Variants in GUCY2F observed in about 807,000 individuals in gnomAD.
GUCY2F encodes the protein retinal guanylyl cyclase 2.
A neutral mutation model predicts 73.1 loss-of-function variants in GUCY2F; 61 were observed. The ratio of observed to expected loss-of-function variants is 0.83; its 90% CI spans 0.68 to 1.03. GUCY2F has a LOEUF of 1.03. GUCY2F is among the 50% of genes least tolerant of loss of function. GUCY2F has a pLI of 0.00. For missense variants in GUCY2F, 912 were observed against 854.3 expected, an observed-to-expected ratio of 1.07 and a Z score of -0.84; for synonymous variants, 331 against 307.8, an observed-to-expected ratio of 1.08 and a Z score of -0.79.
Position 109,392,086 on chromosome X carries a change from A to G in GUCY2F, c.2606T>C (p.Leu869Pro). The G allele has an allele frequency of 1.7e-6, 2 of 1,202,979 alleles. No homozygotes were observed. The highest frequency in any genetic ancestry group is 2.2e-6 in the Non-Finnish European group (2 of 890,457). ...AGGTTCAACTGTGCAGCCCTTTTTG[A>G]GAGATTCAGCAACTGATCTGAAAAG... is the stretch of plus-strand genomic sequence containing the variant. ...QMLPPSVAESLKKGCTVEPEG... is the reference protein window; with the variant it reads ...QMLPPSVAESPKKGCTVEPEG... Residue 869 changes from leucine (L) to proline (P), a missense_variant, in exon 14 of 20, where the codon CTC becomes CCC. Leu to Pro is a moderately conservative substitution (Grantham distance 98). Coordinates refer to ENST00000218006, the MANE Select transcript of GUCY2F (RefSeq NM_001522.3).
At chrX:109,412,935 G>T (rs942156197) in intron 8 of GUCY2F, among the ~76,000 whole-genome samples, 4 of 112,059 alleles carry the variant, frequency 3.6e-5, no homozygotes, top group Non-Finnish European at 5.6e-5. Flanking sequence ...TTATAGCCTG[G>T]GTCCCTGAGT....
intron 8 of GUCY2F, among the ~76,000 whole-genome samples, chrX:109,418,134 T>C (rs1260034823): frequency 8.9e-6 from 1 of 111,759 alleles, no homozygotes; most frequent in Non-Finnish European, 1.9e-5. Context: ...AAGCCTGTTG[T>C]TAAACATTTA....
chrX:109,373,755 T>G (rs1017329864), intron 19 of GUCY2F, among the ~76,000 whole-genome samples: 42 of 112,775 alleles, frequency 3.7e-4, no homozygotes, highest in African/African-American at 1.4e-3. Context: ...AGCACATCTA[T>G]GATTAAAAGA....
At chrX:109,407,801 CAG>C (rs1471742448) in intron 9 of GUCY2F, among the ~76,000 whole-genome samples, 1 of 113,338 alleles carries the variant, frequency 8.8e-6, no homozygotes, top group Admixed American at 9.2e-5. Context: ...TGCAGGTGCA[CAG>C]AAGTCAGGAA....
At chrX:109,375,338 G>A (rs1707117249) in intron 19 of GUCY2F, among the ~76,000 whole-genome samples, 1 of 111,472 alleles carries the variant, frequency 9.0e-6, no homozygotes, top group Admixed American at 9.5e-5. Flanking sequence ...AGGGGAGGAA[G>A]GATGGGAGAA....
chrX:109,441,204 C>A, intron 7 of GUCY2F, 147 bp downstream of exon 7: 1 of 351,672 alleles, frequency 2.8e-6, no homozygotes. Flanking sequence ...GAATGTCAAC[C>A]AAACGAGTCC....
At chrX:109,480,175 AGG>A (rs1403627927) in intron 1 of GUCY2F, among the ~76,000 whole-genome samples, 2 of 111,841 alleles carry the variant, frequency 1.8e-5, no homozygotes, top group Admixed American at 9.5e-5. Flanking sequence ...AAAATTATCA[AGG>A]GGTAAAGTTT....
rs1257907770 is a variant in GUCY2F, at chrX:109,404,454, CA to C, written c.1998del (p.Phe666LeufsTer6). ...KGMKYLHHRE[F>X]VHGRLKSRNC... ...TTTCGAGACTTTAGCCTCCCATGAA[CA>C]AACTCTCTGTGGTGTAAGTACTTCA... is the stretch of plus-strand genomic sequence containing the variant. On this transcript the variant is annotated frameshift_variant, in exon 10 of 20. Coordinates refer to ENST00000218006, the MANE Select transcript of GUCY2F (RefSeq NM_001522.3). LOFTEE classifies it high-confidence loss of function. The C allele has an allele frequency of 3.3e-6, 4 of 1,196,217 alleles. No individual in the cohort carries two copies. In the Admixed American group the frequency reaches 8.7e-5, roughly 26 times the overall value.
intron 11 of GUCY2F, 94 bp from the exon 12 acceptor site, chrX:109,395,583 G>C (rs775887408): frequency 2.2e-4 from 155 of 706,033 alleles, no homozygotes; most frequent in Non-Finnish European, 3.0e-4. Context: ...GAAGGGGGTA[G>C]GTTAGGAGAT....
In GUCY2F at chrX:109,388,519, G is replaced by A; in HGVS notation, c.2926C>T (p.Pro976Ser). The change falls in exon 15 of 20, where the codon CCG becomes TCG. Residue 976 changes from proline (P) to serine (S), a missense_variant. Physicochemically the swap from Pro to Ser is moderately conservative, Grantham distance 74 (BLOSUM62 -1). Coordinates refer to ENST00000218006, the MANE Select transcript of GUCY2F (RefSeq NM_001522.3). ...TFKMRHMPEV[P>S]VRIRIGLHSG... ...TGAAGGCCAATTCGAATTCGGACCG[G>A]CACTTCTGGCATGTGCCGCATCTTG... The A allele has an allele frequency of 1.7e-6, 2 of 1,206,565 alleles. No individual in the cohort carries two copies. Among genetic ancestry groups the A allele is most frequent in the South Asian group, 3.5e-5 (2 of 56,672 alleles).
At chrX:109,465,946 G>A (rs756184088) in intron 2 of GUCY2F, among the ~76,000 whole-genome samples, 1 of 111,759 alleles carries the variant, frequency 8.9e-6, no homozygotes, top group East Asian at 2.8e-4. Flanking sequence ...TTAGAAGAGA[G>A]AATAGTAAGA....
chrX:109,445,136 T>G (rs1931970912), intron 6 of GUCY2F, among the ~76,000 whole-genome samples: 1 of 111,806 alleles, frequency 8.9e-6, no homozygotes, highest in Middle Eastern at 4.2e-3. Flanking sequence ...GGACTACATG[T>G]CATCTTTCAC....
At chrX:109,434,895 A>T (rs1273111689) in intron 7 of GUCY2F, among the ~76,000 whole-genome samples, 1 of 110,746 alleles carries the variant, frequency 9.0e-6, no homozygotes, top group Non-Finnish European at 1.9e-5. Context: ...TCCTTTCCCC[A>T]TTGCTTGTTT....
intron 8 of GUCY2F, among the ~76,000 whole-genome samples, chrX:109,429,139 C>T (rs1382857986): frequency 8.9e-6 from 1 of 112,181 alleles, no homozygotes; most frequent in Non-Finnish European, 1.9e-5. Flanking sequence ...TGGCTGGGCG[C>T]GGTGGCTCAC....
At chrX:109,449,336 G>A (rs1178049404) in intron 5 of GUCY2F, among the ~76,000 whole-genome samples, 1 of 112,231 alleles carries the variant, frequency 8.9e-6, no homozygotes, top group Non-Finnish European at 1.9e-5. Context: ...TATCACTGTG[G>A]GAGCTGCTGC....
At chrX:109,374,926 A>G (rs1466964117) in intron 19 of GUCY2F, among the ~76,000 whole-genome samples, 1 of 112,055 alleles carries the variant, frequency 8.9e-6, no homozygotes, top group African/African-American at 3.2e-5. Context: ...TAGGACAGAA[A>G]CAGTCACAAA....
At chrX:109,445,550 C>T (rs1931981923) in intron 6 of GUCY2F, among the ~76,000 whole-genome samples, 1 of 111,668 alleles carries the variant, frequency 9.0e-6, no homozygotes, top group African/African-American at 3.3e-5. Flanking sequence ...AACAGGTATC[C>T]CAGGGATGAA....
chrX:109,473,992 T>A (rs1384028424), intron 2 of GUCY2F, among the ~76,000 whole-genome samples: 1 of 112,286 alleles, frequency 8.9e-6, no homozygotes, highest in Non-Finnish European at 1.9e-5. Flanking sequence ...CCATACTGAT[T>A]GCTAAACATC....
In GUCY2F at chrX:109,475,959, T is replaced by C. The variant is rs374718810; in HGVS notation, c.-23A>G. 5 of 1,172,680 alleles carry C rather than the reference T, an allele frequency of 4.3e-6. No individual in the cohort carries two copies. The African/African-American group carries it at 7.2e-5, about 17-fold the overall frequency. On this transcript the variant is annotated 5_prime_UTR_variant, in exon 2 of 20. Transcript: ENST00000218006. The stretch of plus-strand genomic sequence containing the variant: ...CATAGCCCTCCTGCTTCCAGCAAGC[T>C]AATGACGAGATACTGGAGAGTTATT...
Sources: allele counts gnomAD v4.1 joint callset (sites outside exome capture counted in the v4.1 genomes callset), GRCh38; gene constraint gnomAD v4.1.1; transcripts MANE v1.5; gene names NCBI Gene and HGNC (gene_info 2026-07-23, HGNC 2026-07-21).